Variants in HHLA1 observed in about 807,000 individuals in gnomAD.
The protein encoded by HHLA1 is HERV-H LTR-associating protein 1.
A neutral mutation model predicts 69.9 loss-of-function variants in HHLA1; 72 were observed. The ratio of observed to expected loss-of-function variants is 1.03; its 90% CI spans 0.85 to 1.25. The LOEUF (loss-of-function observed/expected upper bound fraction) is 1.25. HHLA1 is among the 50% of genes most tolerant of loss of function. HHLA1 has a pLI of 0.00. For synonymous variants in HHLA1, 252 were observed against 233.2 expected (o/e 1.08, Z -0.73); for missense variants, 685 against 642.2 (o/e 1.07, Z -0.72).
At chr8:132,106,202 A>T (rs1026217098) in intron 1 of HHLA1, among the ~76,000 whole-genome samples, 39 of 152,186 alleles carry the variant, frequency 2.6e-4, no homozygotes, top group African/African-American at 8.9e-4. Flanking sequence ...CTGGAAGGTG[A>T]ATTGGGCGGG....
At chr8:132,076,454 C>T in intron 13 of HHLA1, 21 bp downstream of exon 13, 2 of 1,359,178 alleles carry the variant, frequency 1.5e-6, no homozygotes, top group South Asian at 1.3e-5. Context: ...CAAACCCCCA[C>T]TTCCGTACTG....
Position 132,092,662 on chromosome 8 carries a change from G to C in HHLA1, c.448+2857C>G, listed in dbSNP as rs141617490. Reference sequence around the variant, plus strand: ...TCTGCCATGATTGTAAGTTTCCTGAGGTCTCCCCAGAAGCTGAGCAGAAGC... The same window carrying C: ...TCTGCCATGATTGTAAGTTTCCTGACGTCTCCCCAGAAGCTGAGCAGAAGC... On this transcript the variant is annotated intron_variant, in intron 7 of 16. Coordinates refer to ENST00000414222, the MANE Select transcript of HHLA1 (RefSeq NM_001145095.3). 6.4e-3 allele frequency among the ~76,000 whole-genome samples: 971 copies of C among 152,244 alleles called. 6 individuals are homozygous for C. Among genetic ancestry groups the C allele is most frequent in the African/African-American group, 0.022 (901 of 41,528 alleles).
At chr8:132,087,623 A>G (rs911282763) in intron 10 of HHLA1, 30 bp downstream of exon 10, 3 of 1,455,954 alleles carry the variant, frequency 2.1e-6, no homozygotes, top group Non-Finnish European at 2.8e-6. Context: ...TGGAGAGTCT[A>G]TGGGAGGAGT....
At chr8:132,098,220 T>C (rs1351740852) in intron 5 of HHLA1, among the ~76,000 whole-genome samples, 1 of 152,196 alleles carries the variant, frequency 6.6e-6, no homozygotes, top group Non-Finnish European at 1.5e-5. Context: ...TCACTAAGTA[T>C]GTGTTACATA....
At chr8:132,066,963 G>A (rs1823451054) in intron 15 of HHLA1, among the ~76,000 whole-genome samples, 1 of 152,160 alleles carries the variant, frequency 6.6e-6, no homozygotes, top group African/African-American at 2.4e-5. Flanking sequence ...AGGACTTGGT[G>A]GTTCTATAGA....
At chr8:132,079,626 A>AT in intron 11 of HHLA1, 92 bp downstream of exon 11, 2 of 1,349,274 alleles carry the variant, frequency 1.5e-6, no homozygotes, top group Non-Finnish European at 2.0e-6. Context: ...TGGAGAAGGG[A>AT]TTAAGGTAAG....
chr8:132,110,021 G>C (rs1824269384), intron 1 of HHLA1, among the ~76,000 whole-genome samples: 1 of 152,114 alleles, frequency 6.6e-6, no homozygotes, highest in African/African-American at 2.4e-5. Flanking sequence ...GAAGGCAAAT[G>C]CTCCAGAGTC....
chr8:132,089,455 T>C (rs1250698897), intron 8 of HHLA1, 61 bp downstream of exon 8: 6 of 897,468 alleles, frequency 6.7e-6, no homozygotes, highest in Non-Finnish European at 1.1e-5. Context: ...ATATGCTTCA[T>C]TATCTACCAC....
chr8:132,099,959 A>G, intron 4 of HHLA1, 116 bp downstream of exon 4: 2 of 727,590 alleles, frequency 2.7e-6, no homozygotes, highest in Admixed American at 2.3e-5. Context: ...TAATGATCAG[A>G]TAATGATTAA....
rs552412241 is a variant in HHLA1, at chr8:132,109,939, T to A, written c.-22+1163A>T. Among the ~76,000 whole-genome samples, 5 of 152,000 alleles carry A rather than the reference T, an allele frequency of 3.3e-5. No individual in the cohort carries two copies. In the South Asian group the frequency reaches 1.0e-3, roughly 32 times the overall value. On this transcript the variant is annotated intron_variant, in intron 1 of 16. Transcript: ENST00000414222. ...GATGGGCCAAGAAGTCACCCAAGAGTCTTGTGAAATTAATTTGCAATATGT... is the reference window on the plus strand; with the variant it reads ...GATGGGCCAAGAAGTCACCCAAGAGACTTGTGAAATTAATTTGCAATATGT...
chr8:132,091,582 A>T (rs547048840), intron 7 of HHLA1, among the ~76,000 whole-genome samples: 31 of 152,320 alleles, frequency 2.0e-4, no homozygotes, highest in Non-Finnish European at 4.3e-4. Flanking sequence ...TATTAACTCA[A>T]AGATATTCTT....
rs113558635 is a variant in HHLA1 at position 132,089,067 on chromosome 8, G to A, written c.532+449C>T. ...CCTAAGGAAATGTGATTTTCCTGGG[G>A]GTTACATGAAACCACCTTATAAATG... is the stretch of plus-strand genomic sequence containing the variant. On this transcript the variant is annotated intron_variant, in intron 8 of 16. Coordinates refer to ENST00000414222, the MANE Select transcript of HHLA1 (RefSeq NM_001145095.3). Among the ~76,000 whole-genome samples, 671 of 152,286 alleles carry A rather than the reference G, an allele frequency of 4.4e-3. 3 individuals are homozygous for A. The highest frequency in any genetic ancestry group is 0.016 in the African/African-American group (647 of 41,552).
chr8:132,076,993 G>C (rs1044270770), intron 12 of HHLA1, among the ~76,000 whole-genome samples: 1 of 152,074 alleles, frequency 6.6e-6, no homozygotes, highest in Admixed American at 6.5e-5. Flanking sequence ...AACAATTTTT[G>C]TATCATGTTC....
intron 7 of HHLA1, among the ~76,000 whole-genome samples, chr8:132,091,220 A>G (rs1823941375): frequency 6.6e-6 from 1 of 152,252 alleles, no homozygotes; most frequent in Non-Finnish European, 1.5e-5. Context: ...TAAGACATAA[A>G]GAAGAAGCTG....
intron 3 of HHLA1, among the ~76,000 whole-genome samples, chr8:132,103,385 A>G (rs1266616407): frequency 6.6e-6 from 1 of 152,216 alleles, no homozygotes; most frequent in African/African-American, 2.4e-5. Context: ...TGGAAGGCCG[A>G]GGCAAGTGGA....
chr8:132,096,394 T>C (rs1401019310), intron 5 of HHLA1, among the ~76,000 whole-genome samples: 1 of 152,148 alleles, frequency 6.6e-6, no homozygotes, highest in Non-Finnish European at 1.5e-5. Context: ...ACTCAATCAA[T>C]CTGTTATCAC....
At chr8:132,068,722 G>A (rs1586722875) in intron 15 of HHLA1, among the ~76,000 whole-genome samples, 1 of 152,244 alleles carries the variant, frequency 6.6e-6, no homozygotes, top group East Asian at 1.9e-4. Context: ...GGAGTCAGCA[G>A]CAGCCTGAAT....
rs80333801 is a variant in HHLA1, at chr8:132,075,589, C to G, written c.1315+466G>C. Among the ~76,000 whole-genome samples the G allele has an allele frequency of 8.3e-3, 1,265 of 152,338 alleles. 11 individuals are homozygous for G. The highest frequency in any genetic ancestry group is 0.014 in the Non-Finnish European group (919 of 68,024). ...ACACAGAACAACAGGACATCATACC[C>G]AGCAAATGAGGTTGCATTTTGCAGT... On this transcript the variant is annotated intron_variant, in intron 14 of 16. Transcript: ENST00000414222.
intron 13 of HHLA1, among the ~76,000 whole-genome samples, 171 bp from the exon 14 acceptor site, chr8:132,076,300 C>T (rs1403847119): frequency 6.6e-6 from 1 of 152,148 alleles, no homozygotes; most frequent in Non-Finnish European, 1.5e-5. Flanking sequence ...AATTTAGCAG[C>T]ACGGCAAGGC....
Sources: allele counts gnomAD v4.1 joint callset (sites outside exome capture counted in the v4.1 genomes callset), GRCh38; gene constraint gnomAD v4.1.1; transcripts MANE v1.5; gene names NCBI Gene and HGNC (gene_info 2026-07-23, HGNC 2026-07-21).